The following SYN3 variants were observed in gnomAD, a reference collection of about 807,000 sequenced individuals.
SYN3 encodes the protein synapsin III.
Under a neutral mutation model 65.8 loss-of-function variants are expected in SYN3, and 35 were observed. That is an observed-to-expected ratio of 0.53 (90% CI 0.41 to 0.70). The LOEUF is 0.70. SYN3 is among the 30% of genes least tolerant of loss of function. The probability of loss-of-function intolerance (pLI) is 0.00; values close to 1 mark genes in which losing one functional copy is unlikely to be tolerated. For missense variants in SYN3, 680 were observed against 749.0 expected (o/e 0.91, Z 1.08); for synonymous variants, 270 against 292.9 (o/e 0.92, Z 0.80).
intron 6 of SYN3, among the ~76,000 whole-genome samples, chr22:32,778,171 C>T (rs1165420355): frequency 6.6e-6 from 1 of 152,236 alleles, no homozygotes; most frequent in Non-Finnish European, 1.5e-5. Flanking sequence ...TAAGTCTGTG[C>T]CTTTCACTCA....
chr22:32,732,201 G>T (rs2061279952), intron 6 of SYN3, among the ~76,000 whole-genome samples: 1 of 152,118 alleles, frequency 6.6e-6, no homozygotes, highest in Non-Finnish European at 1.5e-5. Flanking sequence ...TGACAGTAAG[G>T]CAGGGACCCA....
chr22:32,604,661 T>C (rs1329068682), intron 6 of SYN3, among the ~76,000 whole-genome samples: 1 of 152,144 alleles, frequency 6.6e-6, no homozygotes, highest in African/African-American at 2.4e-5. Context: ...TGTTATCTTC[T>C]CTATCTCACT....
At chr22:33,015,291 C>T (rs903578623) in intron 1 of SYN3, 11 of 569,026 alleles carry the variant, frequency 1.9e-5, no homozygotes, top group East Asian at 6.4e-5. Flanking sequence ...CTATTTTAAA[C>T]GGCGTTTGAA....
At chr22:32,744,341 A>G (rs2044862440) in intron 6 of SYN3, among the ~76,000 whole-genome samples, 1 of 152,116 alleles carries the variant, frequency 6.6e-6, no homozygotes, top group Admixed American at 6.5e-5. Context: ...TCCAAGCTAA[A>G]TTGTAATAGA....
chr22:32,744,538 A>G lies in SYN3; in HGVS notation c.711+120377T>C, dbSNP rs2044867995. ...AGAAATTCATCTATTTAATCTTCAG[A>G]ACCCAATCCTCTCCTTATCTTCATT... On this transcript the variant is annotated intron_variant, in intron 6 of 13. Coordinates refer to ENST00000358763, the MANE Select transcript of SYN3 (RefSeq NM_003490.4). Among the ~76,000 whole-genome samples the G allele has an allele frequency of 2.0e-5, 3 of 152,218 alleles. No individual in the cohort carries two copies. In the South Asian group the frequency reaches 6.2e-4, roughly 32 times the overall value.
intron 13 of SYN3, among the ~76,000 whole-genome samples, chr22:32,516,726 A>T (rs1169465851): frequency 1.3e-5 from 2 of 152,250 alleles, no homozygotes; most frequent in Non-Finnish European, 2.9e-5. Context: ...AATAGTTGTT[A>T]GCATGATCCC....
At position 32,512,961 on chromosome 22, in the gene SYN3, C is replaced by T. The variant is rs2057709283; in HGVS notation, c.*731G>A. 6.6e-6 allele frequency: 1 copy of T among 152,190 alleles called. No individual in the cohort carries two copies. Among genetic ancestry groups the T allele is most frequent in the South Asian group, 2.1e-4 (1 of 4,832 alleles). The allele number at this position is 152,190 out of a possible 1,614,324, so 9.4% of individuals were successfully genotyped here. ...AACTAGTCTTTATTCCTACAATAAC[C>T]TGTGATCTGCCCTTGGCTGTCCAAA... On this transcript the variant is annotated 3_prime_UTR_variant, in exon 14 of 14. Coordinates refer to ENST00000358763, the MANE Select transcript of SYN3 (RefSeq NM_003490.4).
chr22:32,679,534 AT>A (rs1327799849), intron 6 of SYN3, among the ~76,000 whole-genome samples: 3 of 151,976 alleles, frequency 2.0e-5, no homozygotes, highest in Non-Finnish European at 4.4e-5. Flanking sequence ...TTCTACTTTT[AT>A]TTTTTTAAGG....
chr22:32,779,887 A>G (rs2045992141), intron 6 of SYN3, among the ~76,000 whole-genome samples: 1 of 152,076 alleles, frequency 6.6e-6, no homozygotes, highest in African/African-American at 2.4e-5. Flanking sequence ...TGGGCAGAAA[A>G]GCCAAACACA....
At chr22:32,542,860 C>T (rs2058280230) in intron 7 of SYN3, among the ~76,000 whole-genome samples, 1 of 152,004 alleles carries the variant, frequency 6.6e-6, no homozygotes, top group Non-Finnish European at 1.5e-5. Flanking sequence ...CAGAGGCTGA[C>T]TCCCAGCGGC....
chr22:32,983,973 C>T (rs543595628), intron 2 of SYN3, among the ~76,000 whole-genome samples: 10 of 152,064 alleles, frequency 6.6e-5, no homozygotes, highest in African/African-American at 2.4e-4. Flanking sequence ...GACTGGCCAA[C>T]ATAGTGAAAC....
intron 6 of SYN3, among the ~76,000 whole-genome samples, chr22:32,774,064 A>T (rs1205911138): frequency 6.6e-6 from 1 of 151,976 alleles, no homozygotes; most frequent in Non-Finnish European, 1.5e-5. Flanking sequence ...GAAAAGAGTG[A>T]GATGGGCTTG....
intron 8 of SYN3, among the ~76,000 whole-genome samples, chr22:32,540,198 AC>A (rs1330847496): frequency 6.6e-6 from 1 of 152,182 alleles, no homozygotes; most frequent in Non-Finnish European, 1.5e-5. Flanking sequence ...AAGTTTGCTG[AC>A]CCTTGGTCTA....
chr22:33,038,923 C>T (rs2053910766), intron 1 of SYN3, among the ~76,000 whole-genome samples: 1 of 152,228 alleles, frequency 6.6e-6, no homozygotes, highest in Non-Finnish European at 1.5e-5. Context: ...TGCATCTCTG[C>T]TCCAAGTCCC....
At chr22:32,643,230 C>A (rs2059928730) in intron 6 of SYN3, among the ~76,000 whole-genome samples, 1 of 152,098 alleles carries the variant, frequency 6.6e-6, no homozygotes, top group African/African-American at 2.4e-5. Context: ...CAGGTGCACG[C>A]CACCATGCCC....
At chr22:32,569,141 A>G (rs1248341531) in intron 7 of SYN3, among the ~76,000 whole-genome samples, 3 of 152,206 alleles carry the variant, frequency 2.0e-5, no homozygotes, top group South Asian at 2.1e-4. Flanking sequence ...CTGGGGTTCA[A>G]TTTCCTCATG....
chr22:33,040,693 G>A (rs1569419499), intron 1 of SYN3, among the ~76,000 whole-genome samples: 1 of 152,098 alleles, frequency 6.6e-6, no homozygotes, highest in Non-Finnish European at 1.5e-5. Context: ...TCATGGGGGT[G>A]GTTTTTCCCA....
At chr22:32,605,861 T>G (rs2059365026) in intron 6 of SYN3, among the ~76,000 whole-genome samples, 1 of 152,222 alleles carries the variant, frequency 6.6e-6, no homozygotes, top group Non-Finnish European at 1.5e-5. Flanking sequence ...GCCAGTTCAC[T>G]TCTGGCTCCC....
chr22:32,661,297 A>G (rs1484077820), intron 6 of SYN3, among the ~76,000 whole-genome samples: 1 of 152,228 alleles, frequency 6.6e-6, no homozygotes, highest in Non-Finnish European at 1.5e-5. Context: ...GCAAAGAGGA[A>G]GGCAGTCAGA....
Sources: gnomAD v4.1 joint callset for allele counts (sites outside exome capture counted in the v4.1 genomes callset) on GRCh38, gnomAD v4.1.1 for gene constraint, MANE v1.5 for transcripts, NCBI Gene and HGNC (gene_info 2026-07-23, HGNC 2026-07-21) for gene names.